The following C16orf87 variants were observed in gnomAD, a reference collection of about 807,000 sequenced individuals.
The protein encoded by C16orf87 is HDAC and MIER1 interacting protein 1, also known as UPF0547 protein C16orf87.
In C16orf87, 13 loss-of-function variants were observed where a neutral mutation model predicts 21.0. The observed-to-expected ratio is 0.62, with a 90% CI of 0.40 to 0.98. C16orf87 has a LOEUF of 0.98. Ranked by LOEUF, C16orf87 falls within the 50% of genes least tolerant of loss-of-function variation. C16orf87 has a pLI of 0.00. For missense variants in C16orf87, 113 were observed against 180.4 expected (o/e 0.63, Z 2.14); for synonymous variants, 49 against 60.2 (o/e 0.81, Z 0.86).
Position 46,801,587 on chromosome 16 carries a change from AG to A in C16orf87, c.*1364del, listed in dbSNP as rs1164638796. 1 of 152,248 alleles carries A rather than the reference AG, an allele frequency of 6.6e-6. No homozygotes were observed. Among genetic ancestry groups the A allele is most frequent in the Non-Finnish European group, 1.5e-5 (1 of 68,044 alleles). 9.4% of individuals were successfully genotyped at this position (152,248 alleles called of 1,614,324 possible). ...ACCTGCAGATAGATACAGGGATTAA[AG>A]GAAAAGGAATCCTTAGGAAAATTCT... is the stretch of plus-strand genomic sequence containing the variant. On this transcript the variant is annotated 3_prime_UTR_variant, in exon 4 of 4. Transcript: ENST00000285697.
chr16:46,828,913 T>C (rs1378395420), intron 1 of C16orf87, among the ~76,000 whole-genome samples: 1 of 152,210 alleles, frequency 6.6e-6, no homozygotes, highest in Non-Finnish European at 1.5e-5. Flanking sequence ...AAGTTTTAAT[T>C]AGTCCTTATG....
intron 2 of C16orf87, among the ~76,000 whole-genome samples, chr16:46,822,655 AAATT>A (rs1465405721): frequency 2.0e-5 from 3 of 152,172 alleles, no homozygotes; most frequent in African/African-American, 4.8e-5. Flanking sequence ...ACATAAATAA[AAATT>A]ATTATTGAAT....
chr16:46,815,560 C>T (rs1968216867), intron 2 of C16orf87, among the ~76,000 whole-genome samples: 2 of 151,860 alleles, frequency 1.3e-5, no homozygotes, highest in African/African-American at 4.8e-5. Flanking sequence ...CAAAAAAAAT[C>T]CCCAATTCAA....
chr16:46,807,422 GA>G (rs879866943), intron 3 of C16orf87, among the ~76,000 whole-genome samples: 131 of 137,300 alleles, frequency 9.5e-4, no homozygotes, highest in Middle Eastern at 7.5e-3. Flanking sequence ...ATCTCAGAAG[GA>G]AAAAAAAAAA....
chr16:46,825,921 A>G (rs1311335119), intron 1 of C16orf87, among the ~76,000 whole-genome samples: 1 of 151,768 alleles, frequency 6.6e-6, no homozygotes, highest in Non-Finnish European at 1.5e-5. Flanking sequence ...TCTCAAAAAA[A>G]AAAAAAAAAA....
chr16:46,816,226 A>AT (rs1385324697), intron 2 of C16orf87, among the ~76,000 whole-genome samples: 1 of 152,132 alleles, frequency 6.6e-6, no homozygotes, highest in East Asian at 1.9e-4. Context: ...TGCCTGGGGT[A>AT]TGGGGGAGAA....
At chr16:46,812,309 A>T (rs780573649) in intron 2 of C16orf87, among the ~76,000 whole-genome samples, 3 of 152,220 alleles carry the variant, frequency 2.0e-5, no homozygotes, top group Non-Finnish European at 4.4e-5. Context: ...CCTTATTTAA[A>T]ATCTGTTTTT....
chr16:46,800,995 G>A lies in C16orf87; in HGVS notation c.*1957C>T, dbSNP rs140449159. Reference sequence around the variant, plus strand: ...TATTTTAACATGACTTTCCTGTAATGGTCTTCAGCTTTAAATGGATAGACT... The same window carrying A: ...TATTTTAACATGACTTTCCTGTAATAGTCTTCAGCTTTAAATGGATAGACT... On this transcript the variant is annotated 3_prime_UTR_variant, in exon 4 of 4. Transcript: ENST00000285697. The A allele has an allele frequency of 2.0e-5, 3 of 152,080 alleles. No individual in the cohort carries two copies. The highest frequency in any genetic ancestry group is 4.4e-5 in the Non-Finnish European group (3 of 68,008). 9.4% of individuals were successfully genotyped at this position (152,080 alleles called of 1,614,324 possible). A position where few individuals can be genotyped will look rare whatever the true frequency, so the allele number is the denominator to read the frequency against.
chr16:46,803,021 C>A lies in C16orf87; in HGVS notation c.396G>T (p.Lys132Asn). The A allele has an allele frequency of 6.2e-7, 1 of 1,606,938 alleles. No individual in the cohort carries two copies. Among genetic ancestry groups the A allele is most frequent in the Non-Finnish European group, 8.5e-7 (1 of 1,174,820 alleles). ...CCAAGGCGACTGAAAACACGAAAGC[C>A]TTTTCATCAGACAGGTTAGCATAGA... is the stretch of plus-strand genomic sequence containing the variant. ...IDIYANLSDEKAFVFSVALAE... is the reference protein window; with the variant it reads ...IDIYANLSDENAFVFSVALAE... The change falls in exon 4 of 4, where the codon AAG becomes AAT. Residue 132 changes from lysine (K) to asparagine (N), a missense_variant. Physicochemically the swap from Lys to Asn is moderately conservative, Grantham distance 94. Coordinates refer to ENST00000285697, the MANE Select transcript of C16orf87 (RefSeq NM_001001436.4).
At chr16:46,829,997 T>C (rs989436676) in intron 1 of C16orf87, among the ~76,000 whole-genome samples, 11 of 149,462 alleles carry the variant, frequency 7.4e-5, no homozygotes, top group Non-Finnish European at 1.5e-4. Context: ...ATCCACTCAG[T>C]GGAAAAGGAA....
intron 1 of C16orf87, among the ~76,000 whole-genome samples, chr16:46,825,914 CAAAA>C (rs918103053): frequency 2.7e-5 from 2 of 75,446 alleles, no homozygotes; most frequent in African/African-American, 5.0e-5. Context: ...GACTCTGTCT[CAAAA>C]AAAAAAAAAA....
At position 46,797,140 on chromosome 16, in the gene C16orf87, G is replaced by A. The variant is rs1202388270; in HGVS notation, c.*5812C>T. 6.6e-6 allele frequency: 1 copy of A among 152,116 alleles called. No homozygotes were observed. Among genetic ancestry groups the A allele is most frequent in the Admixed American group, 6.5e-5 (1 of 15,268 alleles). 9.4% of individuals were successfully genotyped at this position (152,116 alleles called of 1,614,324 possible). ...ATTCTCAGATGAAGAAAAAATAAGA[G>A]AATTAAATGTCAACAGACCTGCACT... is the stretch of plus-strand genomic sequence containing the variant. On this transcript the variant is annotated 3_prime_UTR_variant, in exon 4 of 4. Coordinates refer to ENST00000285697, the MANE Select transcript of C16orf87 (RefSeq NM_001001436.4).
intron 2 of C16orf87, among the ~76,000 whole-genome samples, chr16:46,814,838 T>C (rs1417189042): frequency 6.6e-6 from 1 of 152,156 alleles, no homozygotes; most frequent in African/African-American, 2.4e-5. Context: ...GAGATTATCA[T>C]TAAGAATAAG....
intron 2 of C16orf87, among the ~76,000 whole-genome samples, chr16:46,812,118 C>A (rs1180441972): frequency 6.6e-6 from 1 of 152,092 alleles, no homozygotes; most frequent in Non-Finnish European, 1.5e-5. Flanking sequence ...GTGGTGTGCG[C>A]CTGTAGTCCC....
chr16:46,811,744 A>G (rs1968091805), intron 2 of C16orf87, among the ~76,000 whole-genome samples: 1 of 152,170 alleles, frequency 6.6e-6, no homozygotes, highest in South Asian at 2.1e-4. Flanking sequence ...CTAACTTGCA[A>G]GGAGAAAAAG....
chr16:46,825,501 G>A (rs1043125187), intron 1 of C16orf87, among the ~76,000 whole-genome samples: 8 of 152,190 alleles, frequency 5.3e-5, no homozygotes, highest in Admixed American at 5.2e-4. Flanking sequence ...ATATAGACAT[G>A]CAATGCGTAA....
In C16orf87 at chr16:46,799,489, C is replaced by T. The variant is rs1004001606; in HGVS notation, c.*3463G>A. 3.9e-5 allele frequency: 6 copies of T among 152,094 alleles called. No homozygotes were observed. The highest frequency in any genetic ancestry group is 1.2e-4 in the African/African-American group (5 of 41,412). 9.4% of individuals were successfully genotyped at this position (152,094 alleles called of 1,614,324 possible). Reference sequence around the variant, plus strand: ...GACAGAAAATACTAGGGAAAAAATGCTTTTAACTAGCAAGAATATAAGGCA... The same window carrying T: ...GACAGAAAATACTAGGGAAAAAATGTTTTTAACTAGCAAGAATATAAGGCA... On this transcript the variant is annotated 3_prime_UTR_variant, in exon 4 of 4. Transcript: ENST00000285697.
At chr16:46,824,814 C>T (rs1337334837) in intron 1 of C16orf87, among the ~76,000 whole-genome samples, 2 of 151,992 alleles carry the variant, frequency 1.3e-5, no homozygotes, top group Admixed American at 6.6e-5. Flanking sequence ...TACAGGCACA[C>T]GCTACCATGC....
intron 2 of C16orf87, among the ~76,000 whole-genome samples, chr16:46,813,614 T>A (rs2143099843): frequency 6.6e-6 from 1 of 152,254 alleles, no homozygotes; most frequent in Non-Finnish European, 1.5e-5. Context: ...CTTTCTCCAG[T>A]CTCATGATGC....
Sources: gnomAD v4.1 joint callset for allele counts (sites outside exome capture counted in the v4.1 genomes callset) on GRCh38, gnomAD v4.1.1 for gene constraint, MANE v1.5 for transcripts, NCBI Gene and HGNC (gene_info 2026-07-23, HGNC 2026-07-21) for gene names.